The following UBR4 variants were observed in gnomAD, a reference collection of about 807,000 sequenced individuals.
UBR4 encodes the protein ubiquitin protein ligase E3 component n-recognin 4.
In UBR4, 124 loss-of-function variants were observed where a neutral mutation model predicts 575.6. The observed-to-expected ratio is 0.22, with a 90% CI of 0.19 to 0.25. UBR4 has a LOEUF of 0.25. UBR4 is among the 10% of genes least tolerant of loss of function. The pLI is 1.00. For synonymous variants in UBR4, 2,455 were observed against 2,473.7 expected (o/e 0.99, Z 0.22); for missense variants, 4,818 against 6,478.8 (o/e 0.74, Z 8.80).
At chr1:19,106,249 A>C (rs1173967833) in intron 83 of UBR4, among the ~76,000 whole-genome samples, 2 of 152,314 alleles carry the variant, frequency 1.3e-5, no homozygotes, top group East Asian at 1.9e-4. Flanking sequence ...GAATTACTTT[A>C]GCTAGAGAGA....
At chr1:19,151,883 C>A in intron 47 of UBR4, 24 bp from the exon 48 acceptor site, 1 of 1,539,198 alleles carries the variant, frequency 6.5e-7, no homozygotes. Context: ...AGGCACACAT[C>A]AAGAAACTAC....
chr1:19,083,557 C>T (rs562734426), intron 102 of UBR4, among the ~76,000 whole-genome samples: 110 of 152,218 alleles, frequency 7.2e-4, no homozygotes, highest in Non-Finnish European at 1.5e-3. Context: ...TTCTTTGAGA[C>T]ATGGTCTTGC....
At chr1:19,142,446 G>A (rs1174926622) in intron 55 of UBR4, among the ~76,000 whole-genome samples, 1 of 152,200 alleles carries the variant, frequency 6.6e-6, no homozygotes, top group Non-Finnish European at 1.5e-5. Flanking sequence ...AAATATGTCC[G>A]TTAGAAACAT....
Position 19,148,005 on chromosome 1 carries a change from G to A in UBR4, c.7617C>T (p.Tyr2539=). 6 of 1,612,926 alleles carry A rather than the reference G, an allele frequency of 3.7e-6. No individual in the cohort carries two copies. Among genetic ancestry groups the A allele is most frequent in the Non-Finnish European group, 5.1e-6 (6 of 1,179,746 alleles). The change falls in exon 51 of 106, where the codon TAC becomes TAT. Residue 2539 remains tyrosine, a synonymous_variant. Transcript: ENST00000375254. ...LASLHTSRSA[Y]HSHKDQALLS... ...AGAGAACAGTTACCTTGTGGCTGTG[G>A]TAGGCCGAGCGGCTGGTGTGCAGGC...
chr1:19,178,262 T>C lies in UBR4; in HGVS notation c.2355-519A>G, dbSNP rs183008053. 4.0e-3 allele frequency among the ~76,000 whole-genome samples: 604 copies of C among 152,348 alleles called. 4 individuals carry two copies. The highest frequency in any genetic ancestry group is 0.013 in the African/African-American group (537 of 41,584). ...CTATAAAGCAATAAAAAAGAAAATA[T>C]ACTATTCAGAGAATTTGTCAGAAGA... On this transcript the variant is annotated intron_variant, in intron 18 of 105. Coordinates refer to ENST00000375254, the MANE Select transcript of UBR4 (RefSeq NM_020765.3).
chr1:19,164,741 A>G, intron 32 of UBR4, 58 bp downstream of exon 32: 1 of 1,590,154 alleles, frequency 6.3e-7, no homozygotes, highest in Non-Finnish European at 8.6e-7. Context: ...GATAACTGCA[A>G]ATATCAACGT....
chr1:19,098,930 CA>C (rs1191879018), intron 90 of UBR4, among the ~76,000 whole-genome samples: 8 of 151,714 alleles, frequency 5.3e-5, no homozygotes, highest in Admixed American at 1.3e-4. Flanking sequence ...GAAGAAATGG[CA>C]GGGGGAGAGA....
chr1:19,115,004 G>T, intron 74 of UBR4, 55 bp from the exon 75 acceptor site: 1 of 1,608,694 alleles, frequency 6.2e-7, no homozygotes, highest in Non-Finnish European at 8.5e-7. Context: ...TGGGGTGGGG[G>T]TCACTCTGAG....
chr1:19,198,525 G>C lies in UBR4; in HGVS notation c.648+16C>G, dbSNP rs1324650146. Reference sequence around the variant, plus strand: ...AAAACCCACAGAGAAGAAGACATTTGACTAAAGAAACTCACCAGAGTCTGT... The same window carrying C: ...AAAACCCACAGAGAAGAAGACATTTCACTAAAGAAACTCACCAGAGTCTGT... On this transcript the variant is annotated intron_variant, in intron 5 of 105. Transcript: ENST00000375254. 1 of 1,607,610 alleles carries C rather than the reference G, an allele frequency of 6.2e-7. No homozygotes were observed. Among genetic ancestry groups the C allele is most frequent in the East Asian group, 2.2e-5 (1 of 44,724 alleles).
In UBR4 at chr1:19,164,918, C is replaced by T; in HGVS notation, c.4392G>A (p.Leu1464=). 6.2e-7 allele frequency: 1 copy of T among 1,614,166 alleles called. No individual in the cohort carries two copies. Among genetic ancestry groups the T allele is most frequent in the Non-Finnish European group, 8.5e-7 (1 of 1,180,038 alleles). Residue 1464 remains leucine, a synonymous_variant, in exon 32 of 106, where the codon CTG becomes CTA. Coordinates refer to ENST00000375254, the MANE Select transcript of UBR4 (RefSeq NM_020765.3). ...AQLACVEPVR[L]QAWLTRMTTS... is the part of the protein sequence containing the mutation. ...TAGTCATGCGGGTGAGCCAGGCCTG[C>T]AGGCGCACAGGTTCCACACAGGCCA...
intron 3 of UBR4, 120 bp from the exon 4 acceptor site, chr1:19,199,048 A>T: frequency 8.6e-7 from 1 of 1,160,880 alleles, no homozygotes. Flanking sequence ...TAAACACTAA[A>T]GCAAAGACTG....
In UBR4 at chr1:19,164,940, G is replaced by A. The variant is rs763433618; in HGVS notation, c.4370C>T (p.Ala1457Val). The change falls in exon 32 of 106, where the codon GCC (alanine) becomes GTC (valine). Residue 1457 changes from alanine (A) to valine (V), a missense_variant. Transcript: ENST00000375254. ...CTGCAGGCGCACAGGTTCCACACAGGCCAGTTGTGCCAGGGAGCCACAGAG... is the reference window on the plus strand; with the variant it reads ...CTGCAGGCGCACAGGTTCCACACAGACCAGTTGTGCCAGGGAGCCACAGAG... ...LHLCGSLAQL[A>V]CVEPVRLQAW... 2.1e-5 allele frequency: 34 copies of A among 1,614,062 alleles called. No homozygotes were observed. The highest frequency in any genetic ancestry group is 2.8e-5 in the Non-Finnish European group (33 of 1,180,032).
At chr1:19,186,426 G>T in intron 14 of UBR4, 114 bp downstream of exon 14, 3 of 839,246 alleles carry the variant, frequency 3.6e-6, no homozygotes, top group Non-Finnish European at 1.8e-6. Context: ...AGGCTAAGCA[G>T]GTGAAAACAA....
Position 19,184,006 on chromosome 1 carries a change from G to A in UBR4, c.2098+10C>T. 6.2e-7 allele frequency: 1 copy of A among 1,614,128 alleles called. No homozygotes were observed. On this transcript the variant is annotated intron_variant, in intron 16 of 105. Coordinates refer to ENST00000375254, the MANE Select transcript of UBR4 (RefSeq NM_020765.3). ...AAAAAATCCATCAGGCACATATCTT[G>A]TCTACTGACCCTTGAGTCCATCTTT... is the stretch of plus-strand genomic sequence containing the variant.
At position 19,100,324 on chromosome 1, in the gene UBR4, A is replaced by G; in HGVS notation, c.13221+52T>C. 1 of 1,604,116 alleles carries G rather than the reference A, an allele frequency of 6.2e-7. No homozygotes were observed. Among genetic ancestry groups the G allele is most frequent in the Non-Finnish European group, 8.5e-7 (1 of 1,172,572 alleles). The stretch of plus-strand genomic sequence containing the variant: ...AGAAGCACCTGGATTTGGTTAGCCT[A>G]GGAGGAAGCCCCTAATCGTAAACGT... On this transcript the variant is annotated intron_variant, in intron 89 of 105. Transcript: ENST00000375254. The surrounding 1 kb of genome is among the most constrained non-coding windows in gnomAD (Gnocchi z 4.2).
Position 19,093,966 on chromosome 1 carries a change from T to C in UBR4, c.13920A>G (p.Pro4640=), listed in dbSNP as rs780543677. 15 of 1,613,230 alleles carry C rather than the reference T, an allele frequency of 9.3e-6. No individual in the cohort carries two copies. The African/African-American group carries it at 1.7e-4, about 19-fold the overall frequency. ...TAACATACTTATCAAAGTTGCAGTATGGTTTGAATCGCTCCACCAAGATCT... is the reference window on the plus strand; with the variant it reads ...TAACATACTTATCAAAGTTGCAGTACGGTTTGAATCGCTCCACCAAGATCT... ...KMQILVERFK[P]YCNFDKYDED... is the part of the protein sequence containing the mutation. Residue 4640 remains proline, a synonymous_variant, in exon 95 of 106, where the codon CCA becomes CCG. Coordinates refer to ENST00000375254, the MANE Select transcript of UBR4 (RefSeq NM_020765.3). This position sits in a 1 kb window ranked among gnomAD's most constrained non-coding sequence, Gnocchi z 4.8.
At chr1:19,115,302 G>A in intron 74 of UBR4, 96 bp downstream of exon 74, 1 of 1,502,474 alleles carries the variant, frequency 6.7e-7, no homozygotes. Flanking sequence ...AATGTTCTGA[G>A]GGAATCAGAC....
At chr1:19,112,888 A>G in intron 77 of UBR4, 21 bp from the exon 78 acceptor site, 1 of 1,534,944 alleles carries the variant, frequency 6.5e-7, no homozygotes, top group Non-Finnish European at 8.8e-7. Context: ...AAAGGCAACA[A>G]TAATGGGAAT....
chr1:19,187,686 A>G (rs2091678395), intron 11 of UBR4, 146 bp from the exon 12 acceptor site: 9 of 656,012 alleles, frequency 1.4e-5, no homozygotes, highest in East Asian at 5.5e-5. Flanking sequence ...ACATACATAC[A>G]TCTGCATATA....
Sources: allele counts gnomAD v4.1 joint callset (sites outside exome capture counted in the v4.1 genomes callset), GRCh38; gene constraint gnomAD v4.1.1; non-coding constraint Gnocchi (gnomAD v3.1); transcripts MANE v1.5; gene names NCBI Gene and HGNC (gene_info 2026-07-23, HGNC 2026-07-21).